HMG20A: variants seen among roughly 807,000 people sequenced by gnomAD.
HMG20A encodes the protein high mobility group protein 20A.
A neutral mutation model predicts 43.9 loss-of-function variants in HMG20A; 17 were observed. That is an observed-to-expected ratio of 0.39 (90% confidence interval 0.27 to 0.58). HMG20A has a LOEUF of 0.58. HMG20A is among the 20% of genes least tolerant of loss of function. The pLI is 0.59. For synonymous variants in HMG20A, 132 were observed against 147.5 expected (o/e 0.89, Z 0.76); for missense variants, 341 against 438.2 (o/e 0.78, Z 1.98).
At chr15:77,422,479 G>A (rs940548839) in intron 1 of HMG20A, among the ~76,000 whole-genome samples, 1 of 152,176 alleles carries the variant, frequency 6.6e-6, no homozygotes, top group Non-Finnish European at 1.5e-5. Flanking sequence ...AGCTGGGCGT[G>A]GTGGCGTGCG....
intron 1 of HMG20A, among the ~76,000 whole-genome samples, chr15:77,433,195 A>G (rs543296400): frequency 6.6e-6 from 1 of 152,216 alleles, no homozygotes; most frequent in Admixed American, 6.5e-5. Flanking sequence ...GAACATTTTA[A>G]AAATTAACCG....
chr15:77,474,331 T>C (rs2072836539), intron 6 of HMG20A, among the ~76,000 whole-genome samples: 1 of 152,182 alleles, frequency 6.6e-6, no homozygotes, highest in African/African-American at 2.4e-5. Flanking sequence ...AGTAAAACAC[T>C]GAGACTCAGT....
At chr15:77,504,603 A>G in the HMG20A span, among the ~76,000 whole-genome samples, 1 of 152,180 alleles carries the variant, frequency 6.6e-6, no homozygotes. Flanking sequence ...AGCTTTGTAC[A>G]CTATAGAGAG....
chr15:77,443,193 G>A lies in HMG20A; in HGVS notation c.-4-15211G>A, dbSNP rs916317494. Among the ~76,000 whole-genome samples the A allele has an allele frequency of 8.7e-5, 13 of 149,216 alleles. No individual in the cohort carries two copies. In the East Asian group the frequency reaches 9.9e-4, roughly 11 times the overall value. Reference sequence around the variant, plus strand: ...GATTATAGGCTCCTGCCACCATACCGGGCTAATTTTTGTATTTTTAGTAGA... The same window carrying A: ...GATTATAGGCTCCTGCCACCATACCAGGCTAATTTTTGTATTTTTAGTAGA... On this transcript the variant is annotated intron_variant, in intron 1 of 9. Transcript: ENST00000336216.
intron 1 of HMG20A, among the ~76,000 whole-genome samples, chr15:77,433,889 T>C (rs1198776536): frequency 6.6e-6 from 1 of 152,228 alleles, no homozygotes; most frequent in Non-Finnish European, 1.5e-5. Context: ...AGGAGGGACT[T>C]ACAAGTTGAT....
At chr15:77,427,453 T>C (rs906447785) in intron 1 of HMG20A, among the ~76,000 whole-genome samples, 1 of 152,214 alleles carries the variant, frequency 6.6e-6, no homozygotes, top group Admixed American at 6.5e-5. Flanking sequence ...ATTGTACTGA[T>C]TTTTAATGAT....
intron 1 of HMG20A, among the ~76,000 whole-genome samples, chr15:77,436,276 C>T (rs934744023): frequency 1.3e-5 from 2 of 150,702 alleles, no homozygotes; most frequent in Non-Finnish European, 2.9e-5. Context: ...ACTTACACAC[C>T]CCCCTATCCA....
intron 7 of HMG20A, 81 bp downstream of exon 7, chr15:77,477,711 G>T: frequency 1.1e-6 from 1 of 931,090 alleles, no homozygotes; most frequent in South Asian, 1.4e-5. Flanking sequence ...TTGCTCAAAA[G>T]CAATGGTAGT....
At chr15:77,476,690 T>C (rs1403760296) in intron 6 of HMG20A, among the ~76,000 whole-genome samples, 1 of 152,138 alleles carries the variant, frequency 6.6e-6, no homozygotes, top group African/African-American at 2.4e-5. Context: ...ACCTTTGTTA[T>C]GGAAAATTTT....
the HMG20A span, among the ~76,000 whole-genome samples, chr15:77,513,605 G>T: frequency 6.6e-6 from 1 of 152,154 alleles, no homozygotes; most frequent in Non-Finnish European, 1.5e-5. Context: ...TCTCTGGCTT[G>T]CAGATAGCTG....
At chr15:77,471,082 G>A in intron 5 of HMG20A, 40 bp downstream of exon 5, 2 of 1,585,668 alleles carry the variant, frequency 1.3e-6, no homozygotes, top group African/African-American at 1.4e-5. Flanking sequence ...AGTTTGTTGT[G>A]GGTGATGGAG....
chr15:77,437,384 G>A (rs1205891922), intron 1 of HMG20A, among the ~76,000 whole-genome samples: 2 of 152,174 alleles, frequency 1.3e-5, no homozygotes, highest in Admixed American at 6.5e-5. Flanking sequence ...ACTATAGGTC[G>A]GGAAGTACTT....
intron 4 of HMG20A, 66 bp from the exon 5 acceptor site, chr15:77,470,844 A>C (rs918265012): frequency 1.3e-4 from 170 of 1,349,520 alleles, no homozygotes; most frequent in Non-Finnish European, 1.1e-4. Context: ...TTCTTCAAAT[A>C]GGTAATTTAA....
intron 1 of HMG20A, among the ~76,000 whole-genome samples, chr15:77,431,190 A>G (rs2073480888): frequency 6.6e-6 from 1 of 152,002 alleles, no homozygotes; most frequent in Non-Finnish European, 1.5e-5. Context: ...GCTTTTACCT[A>G]CTTGGTTTAT....
chr15:77,475,905 C>G (rs748705043), intron 6 of HMG20A, among the ~76,000 whole-genome samples: 2 of 152,076 alleles, frequency 1.3e-5, no homozygotes, highest in South Asian at 4.2e-4. Flanking sequence ...TTGGGACTTT[C>G]GATTGATAAT....
chr15:77,481,232 T>C (rs922672371), intron 9 of HMG20A, among the ~76,000 whole-genome samples: 1 of 152,186 alleles, frequency 6.6e-6, no homozygotes, highest in African/African-American at 2.4e-5. Context: ...AGGATTACTA[T>C]CCTTCTAGGG....
At chr15:77,471,907 G>T in intron 6 of HMG20A, 93 bp downstream of exon 6, 5 of 665,144 alleles carry the variant, frequency 7.5e-6, no homozygotes, top group Middle Eastern at 4.0e-4. Context: ...TTAATGAATG[G>T]CAAAGTATTT....
the HMG20A span, among the ~76,000 whole-genome samples, chr15:77,497,076 C>T: frequency 5.9e-5 from 9 of 152,242 alleles, no homozygotes; most frequent in Non-Finnish European, 8.8e-5. Context: ...CTGTTACAAT[C>T]CATAGCCGAC....
the HMG20A span, among the ~76,000 whole-genome samples, chr15:77,509,902 C>A: frequency 2.1e-4 from 25 of 121,654 alleles, no homozygotes; most frequent in African/African-American, 5.8e-4. Flanking sequence ...CAAGACTCCG[C>A]CTCAAAAAAA....
Sources: allele counts gnomAD v4.1 joint callset (sites outside exome capture counted in the v4.1 genomes callset), GRCh38; gene constraint gnomAD v4.1.1; transcripts MANE v1.5; gene names NCBI Gene and HGNC (gene_info 2026-07-23, HGNC 2026-07-21).